PISD: variants seen among roughly 807,000 people sequenced by gnomAD.
PISD encodes the protein phosphatidylserine decarboxylase proenzyme, mitochondrial.
In PISD, 31 loss-of-function variants were observed where a neutral mutation model predicts 43.5. That is an observed-to-expected ratio of 0.71 (90% confidence interval 0.54 to 0.96). The LOEUF is 0.96. Among genes scored for constraint, PISD ranks in the 40% least tolerant of loss-of-function variants. PISD has a pLI of 0.00. For synonymous variants in PISD, 259 were observed against 228.7 expected (o/e 1.13, Z -1.20); for missense variants, 523 against 548.4 (o/e 0.95, Z 0.46).
At chr22:31,659,376 C>G (rs967072092) in intron 1 of PISD, among the ~76,000 whole-genome samples, 4 of 152,282 alleles carry the variant, frequency 2.6e-5, no homozygotes, top group African/African-American at 9.6e-5. Context: ...CCCTTCCCTT[C>G]TCTCTTCTCC....
intron 1 of PISD, among the ~76,000 whole-genome samples, chr22:31,656,673 TAAATA>T (rs1050004498): frequency 4.6e-5 from 7 of 151,506 alleles, no homozygotes; most frequent in Admixed American, 2.0e-4. Context: ...AATAAATAAA[TAAATA>T]AATAAACAAA....
chr22:31,659,657 T>C (rs570005464), intron 1 of PISD, among the ~76,000 whole-genome samples: 1 of 152,144 alleles, frequency 6.6e-6, no homozygotes, highest in East Asian at 1.9e-4. Context: ...AGTGGCGTGA[T>C]CTCGGCTCAC....
chr22:31,623,856 G>A, intron 3 of PISD: 1 of 1,611,864 alleles, frequency 6.2e-7, no homozygotes, highest in Non-Finnish European at 8.5e-7. Flanking sequence ...CAACCTGCAG[G>A]GCACAGGTCC....
At chr22:31,621,263 A>T in intron 5 of PISD, 71 bp downstream of exon 5, 1 of 1,610,536 alleles carries the variant, frequency 6.2e-7, no homozygotes, top group South Asian at 1.1e-5. Flanking sequence ...TTCCTTCCCC[A>T]GCATTCCCCT....
intron 3 of PISD, among the ~76,000 whole-genome samples, chr22:31,644,806 G>C (rs1387359612): frequency 2.0e-5 from 3 of 152,172 alleles, no homozygotes; most frequent in Non-Finnish European, 4.4e-5. Flanking sequence ...TTCCACATCT[G>C]ATGTCATGTG....
intron 3 of PISD, chr22:31,625,858 C>A (rs1375172942): frequency 6.4e-7 from 1 of 1,571,890 alleles, no homozygotes; most frequent in Admixed American, 1.9e-5. Context: ...CTCGATCACT[C>A]CCTTTGTTTT....
chr22:31,620,352 C>A (rs1342724604), intron 7 of PISD, among the ~76,000 whole-genome samples: 2 of 152,228 alleles, frequency 1.3e-5, no homozygotes. Context: ...TTCCAGCCAG[C>A]AGTGCAAGGA....
intron 3 of PISD, among the ~76,000 whole-genome samples, chr22:31,644,647 G>A (rs2147773248): frequency 6.6e-6 from 1 of 152,314 alleles, no homozygotes; most frequent in East Asian, 1.9e-4. Flanking sequence ...CCAGAGGTGG[G>A]ATTAGGACCA....
chr22:31,630,798 A>G lies in PISD; in HGVS notation c.322-8913T>C, dbSNP rs1411858357. 2 of 985,254 alleles carry G rather than the reference A, an allele frequency of 2.0e-6. No homozygotes were observed. Among genetic ancestry groups the G allele is most frequent in the Non-Finnish European group, 1.2e-6 (1 of 829,990 alleles). 61.0% of individuals were successfully genotyped at this position (985,254 alleles called of 1,614,324 possible). On this transcript the variant is annotated intron_variant, in intron 3 of 7. Transcript: ENST00000439502. This position sits in a 1 kb window ranked among gnomAD's most constrained non-coding sequence, Gnocchi z 4.4. ...CAGGGCCGGGGCGCCGGCTCCGCTC[A>G]CTCACCCGCAGGTGGCTCCAGCTTC...
chr22:31,660,919 G>A (rs561027578), intron 1 of PISD, among the ~76,000 whole-genome samples: 2 of 152,154 alleles, frequency 1.3e-5, no homozygotes, highest in East Asian at 3.9e-4. Context: ...TTTTTTAGTA[G>A]AGACAGGGTT....
chr22:31,662,279 T>C (rs1278358714), upstream of PISD: 20 of 1,460,408 alleles, frequency 1.4e-5, no homozygotes, highest in Non-Finnish European at 1.9e-5. Flanking sequence ...GTCACGAGTC[T>C]CGAGTTCAGT....
At chr22:31,624,538 G>A in intron 3 of PISD, among the ~76,000 whole-genome samples, 1 of 151,870 alleles carries the variant, frequency 6.6e-6, no homozygotes, top group Admixed American at 6.6e-5. Context: ...CCATCCATCT[G>A]CATGGTCTTT....
In PISD at chr22:31,618,549, G is replaced by GAAGT; in HGVS notation, c.*1059_*1062dup. 1.1e-6 allele frequency: 1 copy of GAAGT among 932,994 alleles called. No individual in the cohort carries two copies. The highest frequency in any genetic ancestry group is 2.3e-5 in the South Asian group (1 of 43,064). 57.8% of individuals were successfully genotyped at this position (932,994 alleles called of 1,614,324 possible). ...TTGCAATTAAATGAATTACTGTTCAGAAGTCTCCCACTTTTCATACAAAAA... is the reference window on the plus strand; with the variant it reads ...TTGCAATTAAATGAATTACTGTTCAGAAGTAAGTCTCCCACTTTTCATACAAAAA... On this transcript the variant is annotated 3_prime_UTR_variant, in exon 8 of 8. Coordinates refer to ENST00000439502, the MANE Select transcript of PISD (RefSeq NM_001326411.2).
intron 2 of PISD, among the ~76,000 whole-genome samples, chr22:31,648,883 G>C (rs948157294): frequency 6.6e-6 from 1 of 152,126 alleles, no homozygotes; most frequent in African/African-American, 2.4e-5. Context: ...TCGCAAAGAG[G>C]TCAAGAAACT....
chr22:31,640,949 G>A (rs12162806), intron 3 of PISD, among the ~76,000 whole-genome samples: 6,585 of 119,076 alleles, frequency 0.055, 384 homozygotes, highest in East Asian at 0.34. Context: ...GTGCAATGGC[G>A]CAATCTCGGC....
intron 3 of PISD, chr22:31,638,568 C>T (rs1302200780): frequency 6.1e-6 from 6 of 985,204 alleles, no homozygotes; most frequent in Non-Finnish European, 7.2e-6. Flanking sequence ...TAAGGACACC[C>T]GCAGGCCACT....
chr22:31,648,232 G>A lies in PISD; in HGVS notation c.190C>T (p.Leu64=). 6.2e-7 allele frequency: 1 copy of A among 1,611,852 alleles called. No homozygotes were observed. The highest frequency in any genetic ancestry group is 1.1e-5 in the South Asian group (1 of 90,852). The part of the protein sequence containing the change: ...HTAPARTMFL[L]RPLPILLVTG... ...ACCAACAGAATGGGCAGGGGACGCA[G>A]CAGGAACATGGTTCGGGCAGGGGCA... The change falls in exon 3 of 8, where the codon CTG becomes TTG. Residue 64 remains leucine (L), a synonymous_variant. Transcript: ENST00000439502.
chr22:31,653,052 A>C (rs546684480), intron 1 of PISD, among the ~76,000 whole-genome samples: 1,859 of 151,410 alleles, frequency 0.012, 34 homozygotes, highest in Non-Finnish European at 0.014. Context: ...AAAAAAAAAA[A>C]AAAAAAACCA....
chr22:31,632,245 G>A, intron 3 of PISD: 4 of 985,260 alleles, frequency 4.1e-6, no homozygotes, highest in Non-Finnish European at 4.8e-6. Flanking sequence ...GCAGGGGGAA[G>A]AAGACAGATA....
Sources: gnomAD v4.1 joint callset for allele counts (sites outside exome capture counted in the v4.1 genomes callset) on GRCh38, gnomAD v4.1.1 for gene constraint, Gnocchi (gnomAD v3.1) non-coding constraint, MANE v1.5 for transcripts, NCBI Gene and HGNC (gene_info 2026-07-23, HGNC 2026-07-21) for gene names.